KIAA1328: variants seen among roughly 807,000 people sequenced by gnomAD.
The protein encoded by KIAA1328 is KIAA1328.
A neutral mutation model predicts 68.1 loss-of-function variants in KIAA1328; 52 were observed. The ratio of observed to expected loss-of-function variants is 0.76; its 90% confidence interval spans 0.61 to 0.96. KIAA1328 has a LOEUF of 0.96. Among genes scored for constraint, KIAA1328 ranks in the 40% least tolerant of loss-of-function variants. The probability of loss-of-function intolerance (pLI) is 0.00; values close to 1 mark genes in which losing one functional copy is unlikely to be tolerated. For missense variants in KIAA1328, 641 were observed against 677.6 expected (o/e 0.95, Z 0.60); for synonymous variants, 232 against 239.4 (o/e 0.97, Z 0.28).
intron 4 of KIAA1328, among the ~76,000 whole-genome samples, chr18:36,878,158 A>G (rs1601106471): frequency 6.6e-6 from 1 of 152,034 alleles, no homozygotes; most frequent in African/African-American, 2.4e-5. Flanking sequence ...GCAGTGGCTG[A>G]TACTGGTTTT....
At chr18:37,064,161 CT>C (rs2056257203) in intron 6 of KIAA1328, among the ~76,000 whole-genome samples, 1 of 152,094 alleles carries the variant, frequency 6.6e-6, no homozygotes, top group Admixed American at 6.6e-5. Flanking sequence ...TATTCTATTG[CT>C]TGTCATCTGT....
At chr18:36,996,075 A>G (rs1187072635) in intron 6 of KIAA1328, among the ~76,000 whole-genome samples, 1 of 152,206 alleles carries the variant, frequency 6.6e-6, no homozygotes, top group Non-Finnish European at 1.5e-5. Flanking sequence ...AAATGATGAA[A>G]TAGCTTTGCT....
At chr18:37,164,078 A>G (rs2059336960) in intron 8 of KIAA1328, among the ~76,000 whole-genome samples, 1 of 152,218 alleles carries the variant, frequency 6.6e-6, no homozygotes, top group African/African-American at 2.4e-5. Context: ...CCCATTCTCT[A>G]AAATGGAAAG....
intron 7 of KIAA1328, among the ~76,000 whole-genome samples, chr18:37,081,499 A>G (rs1568380430): frequency 1.3e-5 from 2 of 152,178 alleles, no homozygotes; most frequent in South Asian, 4.1e-4. Context: ...TCTGAAACTC[A>G]ACCTTCTGCA....
chr18:37,152,935 G>C (rs949378604), intron 7 of KIAA1328, among the ~76,000 whole-genome samples: 1 of 152,092 alleles, frequency 6.6e-6, no homozygotes, highest in South Asian at 2.1e-4. Flanking sequence ...GTGCCAATAG[G>C]AAAAGGTTAC....
chr18:37,221,889 G>A, intron 9 of KIAA1328, 128 bp from the exon 10 acceptor site: 1 of 917,066 alleles, frequency 1.1e-6, no homozygotes, highest in Non-Finnish European at 1.6e-6. Flanking sequence ...ATTCCCTTAA[G>A]CATCATCTTA....
intron 5 of KIAA1328, among the ~76,000 whole-genome samples, chr18:36,894,133 G>C (rs2048791718): frequency 6.6e-6 from 1 of 152,152 alleles, no homozygotes; most frequent in Non-Finnish European, 1.5e-5. Context: ...GACACCAAGT[G>C]TTCTGCTTTT....
At chr18:36,984,904 CAAAAA>C (rs56357519) in intron 6 of KIAA1328, among the ~76,000 whole-genome samples, 6 of 80,740 alleles carry the variant, frequency 7.4e-5, no homozygotes, top group Admixed American at 4.5e-4. Context: ...GACTCCATCT[CAAAAA>C]AAAAAAAAAA....
At chr18:36,909,073 T>C (rs1267655699) in intron 5 of KIAA1328, among the ~76,000 whole-genome samples, 1 of 152,194 alleles carries the variant, frequency 6.6e-6, no homozygotes, top group Non-Finnish European at 1.5e-5. Flanking sequence ...TACCCTTCTG[T>C]TGACTTTGAG....
intron 6 of KIAA1328, among the ~76,000 whole-genome samples, chr18:36,980,216 T>C (rs2052629759): frequency 6.6e-6 from 1 of 152,202 alleles, no homozygotes; most frequent in Non-Finnish European, 1.5e-5. Flanking sequence ...GGTATTCTCT[T>C]ATTGCAGCAC....
intron 9 of KIAA1328, among the ~76,000 whole-genome samples, chr18:37,173,910 T>C (rs1251647019): frequency 2.0e-5 from 3 of 152,210 alleles, no homozygotes; most frequent in Admixed American, 6.5e-5. Flanking sequence ...CCTATAGATA[T>C]GCTGTTCCAC....
chr18:37,157,167 G>T (rs1218359520), intron 7 of KIAA1328, among the ~76,000 whole-genome samples: 1 of 152,130 alleles, frequency 6.6e-6, no homozygotes, highest in Non-Finnish European at 1.5e-5. Flanking sequence ...ACAAGTTCTA[G>T]TCGGTATGTC....
intron 6 of KIAA1328, among the ~76,000 whole-genome samples, chr18:36,985,934 T>C (rs1316767496): frequency 6.6e-6 from 1 of 152,180 alleles, no homozygotes. Context: ...ACATAGCTAT[T>C]ACAATGACCA....
chr18:37,139,241 G>A (rs1000319132), intron 7 of KIAA1328, among the ~76,000 whole-genome samples: 2 of 152,102 alleles, frequency 1.3e-5, no homozygotes, highest in South Asian at 2.1e-4. Context: ...GGGATTACAG[G>A]CATGAGCCAC....
chr18:36,834,184 C>T, intron 1 of KIAA1328, 136 bp from the exon 2 acceptor site: 1 of 1,212,296 alleles, frequency 8.2e-7, no homozygotes, highest in Non-Finnish European at 1.0e-6. Context: ...ACTTTGCTTT[C>T]TAACTTTGTT....
chr18:36,956,511 T>C (rs2051422426), intron 5 of KIAA1328, among the ~76,000 whole-genome samples: 1 of 149,452 alleles, frequency 6.7e-6, no homozygotes, highest in African/African-American at 2.5e-5. Context: ...AGATGGAAGA[T>C]TGAAGTCTCA....
At chr18:37,063,607 T>C in intron 6 of KIAA1328, 8 of 984,402 alleles carry the variant, frequency 8.1e-6, no homozygotes, top group Non-Finnish European at 9.7e-6. Context: ...GAATTCTGCC[T>C]ATTACACATG....
chr18:37,096,156 C>T (rs2057399369), intron 7 of KIAA1328, among the ~76,000 whole-genome samples: 1 of 152,078 alleles, frequency 6.6e-6, no homozygotes, highest in African/African-American at 2.4e-5. Flanking sequence ...ACACATGTGC[C>T]ATGTTGGTGT....
At chr18:36,839,578 A>G (rs556751717) in intron 3 of KIAA1328, among the ~76,000 whole-genome samples, 75 of 152,302 alleles carry the variant, frequency 4.9e-4, no homozygotes, top group Non-Finnish European at 9.3e-4. Flanking sequence ...TCCTAATTAT[A>G]GGCTGTATTT....
Sources: gnomAD v4.1 joint callset for allele counts (sites outside exome capture counted in the v4.1 genomes callset) on GRCh38, gnomAD v4.1.1 for gene constraint, MANE v1.5 for transcripts, NCBI Gene and HGNC (gene_info 2026-07-23, HGNC 2026-07-21) for gene names.